Variants in TENM4 observed in about 807,000 individuals in gnomAD.
TENM4 encodes teneurin-4.
Under a neutral mutation model 243.3 loss-of-function variants are expected in TENM4, and 82 were observed. The observed-to-expected ratio is 0.34, with a 90% CI of 0.28 to 0.40. The LOEUF (loss-of-function observed/expected upper bound fraction) is 0.40. Ranked by LOEUF, TENM4 falls within the 10% of genes least tolerant of loss-of-function variation. The probability of loss-of-function intolerance (pLI) is 1.00; values close to 1 mark genes in which losing one functional copy is unlikely to be tolerated. For missense variants in TENM4, 3,138 were observed against 3,673.3 expected (o/e 0.85, Z 3.77); for synonymous variants, 1,412 against 1,456.3 (o/e 0.97, Z 0.69).
rs543960158 is a variant in TENM4 at position 79,180,907 on chromosome 11, A to G, written c.-162-32101T>C. 5.5e-4 allele frequency among the ~76,000 whole-genome samples: 81 copies of G among 148,030 alleles called. 2 individuals carry two copies. In the Middle Eastern group the frequency reaches 0.011, roughly 19 times the overall value. On this transcript the variant is annotated intron_variant, in intron 3 of 33. Coordinates refer to ENST00000278550, the MANE Select transcript of TENM4 (RefSeq NM_001098816.3). ...TATCTAAACATATATATGTATGTGT[A>G]TATATGTATATACATATATAAAAGA... is the stretch of plus-strand genomic sequence containing the variant.
At chr11:78,807,822 G>T (rs1033382982) in intron 14 of TENM4, among the ~76,000 whole-genome samples, 1 of 152,154 alleles carries the variant, frequency 6.6e-6, no homozygotes, top group Non-Finnish European at 1.5e-5. Context: ...GGCCTCAAGG[G>T]TCAAGGGACA....
chr11:79,133,441 C>T (rs1008302061), intron 4 of TENM4, among the ~76,000 whole-genome samples: 2 of 152,064 alleles, frequency 1.3e-5, no homozygotes, highest in Non-Finnish European at 2.9e-5. Flanking sequence ...GAATAGGTAC[C>T]AATCCTTTTG....
intron 3 of TENM4, among the ~76,000 whole-genome samples, chr11:79,212,098 C>T (rs1282905201): frequency 6.6e-6 from 1 of 152,204 alleles, no homozygotes; most frequent in African/African-American, 2.4e-5. Context: ...GCCTTGGTAG[C>T]CATAACTCTA....
chr11:78,676,631 A>G (rs1858485327), intron 29 of TENM4, among the ~76,000 whole-genome samples: 1 of 152,258 alleles, frequency 6.6e-6, no homozygotes, highest in Non-Finnish European at 1.5e-5. Flanking sequence ...ATGCCCTTAC[A>G]TTACAGTTTA....
intron 6 of TENM4, among the ~76,000 whole-genome samples, chr11:78,976,957 C>G (rs1054539488): frequency 6.6e-6 from 1 of 152,196 alleles, no homozygotes; most frequent in African/African-American, 2.4e-5. Context: ...GAATCACTCT[C>G]GCACTCAGCA....
At chr11:79,272,392 C>T (rs745525907) in intron 2 of TENM4, among the ~76,000 whole-genome samples, 31 of 152,132 alleles carry the variant, frequency 2.0e-4, no homozygotes, top group Non-Finnish European at 4.3e-4. Flanking sequence ...ACATTTATTT[C>T]ATCTATAAAG....
chr11:78,657,084 A>G lies in TENM4; in HGVS notation c.*974T>C, dbSNP rs1270572022. Reference sequence around the variant, plus strand: ...GGCTGGTGCCCTCGCCACCACTGCCATGCCTTTGCCATGGGTGGCCTTCTG... The same window carrying G: ...GGCTGGTGCCCTCGCCACCACTGCCGTGCCTTTGCCATGGGTGGCCTTCTG... On this transcript the variant is annotated 3_prime_UTR_variant, in exon 34 of 34. Coordinates refer to ENST00000278550, the MANE Select transcript of TENM4 (RefSeq NM_001098816.3). The G allele has an allele frequency of 7.5e-6, 3 of 398,580 alleles. No homozygotes were observed. The highest frequency in any genetic ancestry group is 1.3e-5 in the Non-Finnish European group (3 of 226,106). 24.7% of individuals were successfully genotyped at this position (398,580 alleles called of 1,614,324 possible). A position where few individuals can be genotyped will look rare whatever the true frequency, so the allele number is the denominator to read the frequency against.
chr11:79,160,394 T>TGGG (rs1405510151), intron 3 of TENM4, among the ~76,000 whole-genome samples: 1 of 152,180 alleles, frequency 6.6e-6, no homozygotes, highest in Non-Finnish European at 1.5e-5. Flanking sequence ...ATGCAGTGCC[T>TGGG]GGGGGTTCAG....
chr11:79,144,214 T>C (rs879419286), intron 4 of TENM4, among the ~76,000 whole-genome samples: 10 of 152,072 alleles, frequency 6.6e-5, no homozygotes, highest in Admixed American at 1.3e-4. Flanking sequence ...CTCAACATCA[T>C]TGATTATCAG....
intron 4 of TENM4, among the ~76,000 whole-genome samples, chr11:79,090,503 A>G (rs1379009129): frequency 1.3e-5 from 2 of 152,148 alleles, no homozygotes; most frequent in African/African-American, 4.8e-5. Context: ...GCATCTGGCA[A>G]CTCATTCGTT....
chr11:78,799,074 T>A (rs1052582957), intron 15 of TENM4, among the ~76,000 whole-genome samples: 1 of 152,114 alleles, frequency 6.6e-6, no homozygotes, highest in African/African-American at 2.4e-5. Context: ...TGGGAGCAGG[T>A]CTGGAGCTAC....
intron 3 of TENM4, among the ~76,000 whole-genome samples, chr11:79,156,221 A>C (rs1256427169): frequency 1.3e-5 from 2 of 152,138 alleles, no homozygotes; most frequent in African/African-American, 4.8e-5. Context: ...CAGCCTGAGG[A>C]AGTGACTGTA....
intron 3 of TENM4, among the ~76,000 whole-genome samples, chr11:79,163,782 TATATATATACACACAC>T (rs1293930795): frequency 1.4e-5 from 1 of 72,038 alleles, no homozygotes; most frequent in Non-Finnish European, 2.8e-5. Flanking sequence ...CACACATACA[TATATATATACACACAC>T]ATATATATAC....
At chr11:79,340,109 G>A (rs781609092) in intron 1 of TENM4, among the ~76,000 whole-genome samples, 8 of 152,212 alleles carry the variant, frequency 5.3e-5, no homozygotes, top group Non-Finnish European at 7.3e-5. Flanking sequence ...AGGGAGCTTC[G>A]AATGGAATCA....
At chr11:78,711,067 G>A (rs1859385963) in intron 26 of TENM4, among the ~76,000 whole-genome samples, 1 of 152,152 alleles carries the variant, frequency 6.6e-6, no homozygotes, top group South Asian at 2.1e-4. Flanking sequence ...CAGTAGCAGA[G>A]GAAAACCATA....
intron 1 of TENM4, among the ~76,000 whole-genome samples, chr11:79,377,300 C>T (rs1456479763): frequency 6.6e-6 from 1 of 152,152 alleles, no homozygotes; most frequent in Non-Finnish European, 1.5e-5. Context: ...TTCTACATCA[C>T]CAAGTTTGTG....
intron 3 of TENM4, among the ~76,000 whole-genome samples, chr11:79,173,718 C>G (rs1428907719): frequency 1.3e-5 from 2 of 152,160 alleles, no homozygotes; most frequent in Admixed American, 1.3e-4. Context: ...AAGCCTGGTG[C>G]AGAGCTGCTG....
At chr11:78,660,045 G>T (rs369460707) in intron 33 of TENM4, among the ~76,000 whole-genome samples, 19 of 152,366 alleles carry the variant, frequency 1.2e-4, no homozygotes, top group Admixed American at 2.6e-4. Flanking sequence ...TGACAGGCGA[G>T]GTTGGCAGAC....
chr11:79,437,236 C>T (rs1859289601), intron 1 of TENM4, among the ~76,000 whole-genome samples: 1 of 152,112 alleles, frequency 6.6e-6, no homozygotes, highest in Non-Finnish European at 1.5e-5. Flanking sequence ...AATCTCTCTG[C>T]TCCCCAACAC....
Sources: gnomAD v4.1 joint callset for allele counts (sites outside exome capture counted in the v4.1 genomes callset) on GRCh38, gnomAD v4.1.1 for gene constraint, MANE v1.5 for transcripts, NCBI Gene and HGNC (gene_info 2026-07-23, HGNC 2026-07-21) for gene names.